Variants in COL5A1 observed in about 807,000 individuals in gnomAD.
The protein encoded by COL5A1 is collagen type V alpha 1 chain.
Under a neutral mutation model 263.7 loss-of-function variants are expected in COL5A1, and 16 were observed. The ratio of observed to expected loss-of-function variants is 0.06; its 90% CI spans 0.04 to 0.09. The LOEUF is 0.09. COL5A1 is among the 10% of genes least tolerant of loss of function. The pLI is 1.00. For missense variants in COL5A1, 2,036 were observed against 2,540.5 expected (o/e 0.80, Z 4.27); for synonymous variants, 1,012 against 1,004.5 (o/e 1.01, Z -0.14).
chr9:134,702,216 G>A (rs1833700811), intron 4 of COL5A1, among the ~76,000 whole-genome samples: 1 of 152,202 alleles, frequency 6.6e-6, no homozygotes, highest in Non-Finnish European at 1.5e-5. Context: ...GTTTATGTAA[G>A]TTGGGTTTTG....
chr9:134,735,209 C>CAA (rs11288569), intron 9 of COL5A1, among the ~76,000 whole-genome samples: 341 of 135,608 alleles, frequency 2.5e-3, no homozygotes, highest in African/African-American at 9.0e-3. Flanking sequence ...GACTCCATCT[C>CAA]AAAAAAAAAA....
Position 134,842,210 on chromosome 9 carries a change from G to A in COL5A1, c.5424G>A (p.Glu1808=). The A allele has an allele frequency of 1.2e-6, 2 of 1,614,210 alleles. No individual in the cohort carries two copies. The highest frequency in any genetic ancestry group is 1.7e-6 in the Non-Finnish European group (2 of 1,180,028). ...TGGAGATCGACACCCCCAAAGTGGA[G>A]CAGGTGCCCATCGTGGACATCATGT... is the stretch of plus-strand genomic sequence containing the variant. ...TVLEIDTPKV[E]QVPIVDIMFN... Residue 1808 remains glutamate, a synonymous_variant, in exon 66 of 66, where the codon GAG becomes GAA. Coordinates refer to ENST00000371817, the MANE Select transcript of COL5A1 (RefSeq NM_000093.5). The surrounding 1 kb of genome is among the most constrained non-coding windows in gnomAD (Gnocchi z 5.8).
At chr9:134,747,136 G>A (rs1835545092) in intron 11 of COL5A1, among the ~76,000 whole-genome samples, 3 of 152,188 alleles carry the variant, frequency 2.0e-5, no homozygotes, top group African/African-American at 2.4e-5. Context: ...TGGGGGTGGC[G>A]ACATTCTTTC....
intron 11 of COL5A1, among the ~76,000 whole-genome samples, chr9:134,745,543 T>C (rs1224630188): frequency 6.6e-6 from 1 of 152,156 alleles, no homozygotes; most frequent in African/African-American, 2.4e-5. Flanking sequence ...TGGTTGTTAG[T>C]TCTGGTTGAG....
intron 1 of COL5A1, among the ~76,000 whole-genome samples, chr9:134,648,306 TA>T (rs1831545451): frequency 1.0e-5 from 1 of 97,006 alleles, no homozygotes; most frequent in African/African-American, 5.3e-5. Flanking sequence ...ATATATATAA[TA>T]TATATATATA....
chr9:134,822,180 C>T, intron 59 of COL5A1, 30 bp downstream of exon 59: 1 of 1,135,750 alleles, frequency 8.8e-7, no homozygotes, highest in Non-Finnish European at 1.3e-6. Context: ...TTGGTCATTC[C>T]TGGGAGGGCA....
chr9:134,805,184 T>G lies in COL5A1; in HGVS notation c.3228T>G (p.Asn1076Lys). Residue 1076 changes from asparagine (N) to lysine (K), a missense_variant, in exon 41 of 66, where the codon AAT (asparagine) becomes AAG (lysine). This residue lies in a region of COL5A1 where 1,078 missense variants were observed against 1,521.4 expected (regional missense o/e 0.71). Coordinates refer to ENST00000371817, the MANE Select transcript of COL5A1 (RefSeq NM_000093.5). ...AGGGAGCTCTTGGACTGAAAGGCAATGAAGGGCCCCCTGGCCCACCAGGCC... is the reference window on the plus strand; with the variant it reads ...AGGGAGCTCTTGGACTGAAAGGCAAGGAAGGGCCCCCTGGCCCACCAGGCC... The part of the protein sequence containing the change: ...GPVGALGLKG[N>K]EGPPGPPGPA... 1.2e-6 allele frequency: 2 copies of G among 1,613,854 alleles called. No homozygotes were observed. The highest frequency in any genetic ancestry group is 1.7e-6 in the Non-Finnish European group (2 of 1,180,002).
chr9:134,647,762 T>C lies in COL5A1; in HGVS notation c.109+5466T>C, dbSNP rs1173863213. Among the ~76,000 whole-genome samples the C allele has an allele frequency of 6.6e-6, 1 of 152,212 alleles. No homozygotes were observed. The highest frequency in any genetic ancestry group is 2.4e-5 in the African/African-American group (1 of 41,448). On this transcript the variant is annotated intron_variant, in intron 1 of 65. Transcript: ENST00000371817. The surrounding 1 kb of genome is among the most constrained non-coding windows in gnomAD (Gnocchi z 5.0). ...CTCCCGGGAGGGCGATGTTACATTA[T>C]GGCTCCCGCTTCTCCTCTATTTACA...
chr9:134,786,017 T>C lies in COL5A1; in HGVS notation c.2615T>C (p.Leu872Ser), dbSNP rs759982086. ...CAGGGAAAACTCGGAGTCCCAGGGTTACCAGGGTATCCAGGAAGACAAGGA... is the reference window on the plus strand; with the variant it reads ...CAGGGAAAACTCGGAGTCCCAGGGTCACCAGGGTATCCAGGAAGACAAGGA... ...GEKGKLGVPG[L>S]PGYPGRQGPK... is the part of the protein sequence containing the mutation. The change falls in exon 31 of 66, where the codon TTA becomes TCA. Residue 872 changes from leucine to serine, a missense_variant. Physicochemically the swap from Leu to Ser is moderately radical, Grantham distance 145 (BLOSUM62 -2). Around this residue, in one of 3 missense-constraint regions of COL5A1, gnomAD observed 1,078 missense variants for 1,521.4 expected, o/e 0.71. Coordinates refer to ENST00000371817, the MANE Select transcript of COL5A1 (RefSeq NM_000093.5). 4 of 1,613,478 alleles carry C rather than the reference T, an allele frequency of 2.5e-6. 1 individual carries two copies. The South Asian group carries it at 4.4e-5, about 18-fold the overall frequency.
intron 4 of COL5A1, among the ~76,000 whole-genome samples, chr9:134,705,263 T>C (rs563096872): frequency 7.2e-6 from 1 of 139,472 alleles, no homozygotes; most frequent in African/African-American, 2.7e-5. Context: ...CACATGTGTC[T>C]CCTGCAGTGC....
intron 18 of COL5A1, among the ~76,000 whole-genome samples, chr9:134,759,296 A>G (rs1836126445): frequency 8.0e-6 from 1 of 125,492 alleles, no homozygotes; most frequent in African/African-American, 3.7e-5. Flanking sequence ...ACACGCATAC[A>G]CACCCACACA....
chr9:134,697,185 G>T (rs1046923986), intron 2 of COL5A1, among the ~76,000 whole-genome samples: 29 of 152,108 alleles, frequency 1.9e-4, no homozygotes, highest in African/African-American at 7.0e-4. Flanking sequence ...CTCCCAGAGT[G>T]CCCGGACAGC....
chr9:134,699,223 T>A (rs897848275), intron 2 of COL5A1, among the ~76,000 whole-genome samples: 1 of 152,128 alleles, frequency 6.6e-6, no homozygotes, highest in Non-Finnish European at 1.5e-5. Context: ...CCAGCCTGGG[T>A]CTGCCTTTTA....
chr9:134,642,177 G>A lies in COL5A1; in HGVS notation c.-11G>A. The A allele has an allele frequency of 8.0e-7, 1 of 1,255,556 alleles. No individual in the cohort carries two copies. Among genetic ancestry groups the A allele is most frequent in the Non-Finnish European group, 1.0e-6 (1 of 1,004,514 alleles). The allele number at this position is 1,255,556 out of a possible 1,614,324, so 77.8% of individuals were successfully genotyped here. On this transcript the variant is annotated 5_prime_UTR_variant, in exon 1 of 66. Transcript: ENST00000371817. This position sits in a 1 kb window ranked among gnomAD's most constrained non-coding sequence, Gnocchi z 4.5. ...AGCGCCCCTGTGCGCCCCGGCCCGC[G>A]CCCCGCCGGCATGGACGTCCATACC... is the stretch of plus-strand genomic sequence containing the variant.
chr9:134,759,728 A>G (rs1289445139), intron 18 of COL5A1, among the ~76,000 whole-genome samples: 1 of 45,974 alleles, frequency 2.2e-5, no homozygotes, highest in Non-Finnish European at 3.7e-5. Context: ...CCACCCCCAC[A>G]CTCATACACA....
chr9:134,825,678 T>G, intron 62 of COL5A1, 114 bp from the exon 63 acceptor site: 1 of 700,584 alleles, frequency 1.4e-6, no homozygotes, highest in Non-Finnish European at 2.6e-6. Flanking sequence ...GTTGGCGGCA[T>G]TCCTGGGGCG....
chr9:134,685,624 T>TTCATCCATCCA (rs1833040428), intron 1 of COL5A1, among the ~76,000 whole-genome samples: 1 of 116,480 alleles, frequency 8.6e-6, no homozygotes, highest in Non-Finnish European at 1.8e-5. Flanking sequence ...CCATCCACCA[T>TTCATCCATCCA]CCATCCATCC....
rs1832903694 is a variant in COL5A1, at chr9:134,682,895, T to A, written c.110-8017T>A. ...TCCGGTGGGGACAGACAGCCTGGGC[T>A]TCAAAGGCAGCCGACCCATAGCCAG... is the stretch of plus-strand genomic sequence containing the variant. On this transcript the variant is annotated intron_variant, in intron 1 of 65. Coordinates refer to ENST00000371817, the MANE Select transcript of COL5A1 (RefSeq NM_000093.5). The surrounding 1 kb of genome is among the most constrained non-coding windows in gnomAD (Gnocchi z 5.1). Among the ~76,000 whole-genome samples the A allele has an allele frequency of 6.6e-6, 1 of 152,132 alleles. No individual in the cohort carries two copies. Among genetic ancestry groups the A allele is most frequent in the Non-Finnish European group, 1.5e-5 (1 of 68,024 alleles).
At chr9:134,772,700 A>G in intron 25 of COL5A1, 90 bp from the exon 26 acceptor site, 2 of 1,335,504 alleles carry the variant, frequency 1.5e-6, no homozygotes. Context: ...AATGGGCTCC[A>G]TGATCATGGA....
Sources: gnomAD v4.1 joint callset for allele counts (sites outside exome capture counted in the v4.1 genomes callset) on GRCh38, gnomAD v4.1.1 for gene constraint, gnomAD v4.1.1 regional missense constraint, Gnocchi (gnomAD v3.1) non-coding constraint, MANE v1.5 for transcripts, NCBI Gene and HGNC (gene_info 2026-07-23, HGNC 2026-07-21) for gene names.